The following CLSTN2 variants were observed in gnomAD, a reference collection of about 807,000 sequenced individuals.
CLSTN2 encodes calsyntenin-2.
A neutral mutation model predicts 101.2 loss-of-function variants in CLSTN2; 48 were observed. That is an observed-to-expected ratio of 0.47 (90% CI 0.38 to 0.60). The LOEUF (loss-of-function observed/expected upper bound fraction) is 0.60. Among genes scored for constraint, CLSTN2 ranks in the 20% least tolerant of loss-of-function variants. CLSTN2 has a pLI of 0.00. For synonymous variants in CLSTN2, 481 were observed against 463.6 expected (o/e 1.04, Z -0.48); for missense variants, 1,160 against 1,238.2 (o/e 0.94, Z 0.95).
chr3:140,445,373 A>G (rs892435177), intron 5 of CLSTN2, among the ~76,000 whole-genome samples: 4 of 152,208 alleles, frequency 2.6e-5, no homozygotes, highest in Non-Finnish European at 4.4e-5. Context: ...TCTGCTGAAT[A>G]AAGGGAATCA....
intron 2 of CLSTN2, among the ~76,000 whole-genome samples, chr3:140,312,849 T>G (rs2087184210): frequency 2.6e-5 from 4 of 152,218 alleles, no homozygotes; most frequent in Admixed American, 6.5e-5. Flanking sequence ...TTTTGAAAAT[T>G]GAGAGCAAAA....
intron 8 of CLSTN2, among the ~76,000 whole-genome samples, chr3:140,473,987 G>T (rs527661026): frequency 8.8e-4 from 134 of 152,136 alleles, no homozygotes; most frequent in African/African-American, 3.2e-3. Context: ...TGTTGGCCAG[G>T]ATGGTCTCGA....
intron 1 of CLSTN2, among the ~76,000 whole-genome samples, chr3:140,175,423 A>G (rs2010308188): frequency 1.3e-5 from 2 of 152,162 alleles, no homozygotes; most frequent in South Asian, 4.1e-4. Context: ...AATGATATTT[A>G]TACATATGTG....
chr3:140,388,368 A>T (rs1383644675), intron 2 of CLSTN2, among the ~76,000 whole-genome samples: 3 of 152,270 alleles, frequency 2.0e-5, no homozygotes, highest in Admixed American at 1.3e-4. Context: ...ATCACACAGC[A>T]ACTCTCTAGC....
At chr3:139,953,177 A>G (rs745768186) in intron 1 of CLSTN2, among the ~76,000 whole-genome samples, 5 of 152,120 alleles carry the variant, frequency 3.3e-5, no homozygotes, top group African/African-American at 4.8e-5. Context: ...ATCAGGCTCA[A>G]TAAGGTACAG....
At position 140,472,941 on chromosome 3, in the gene CLSTN2, C is replaced by T. The variant is rs12638757; in HGVS notation, c.1344+6210C>T. ...TCTAGTCCCTCTCCCTGACTGTTTC[C>T]ATTTCAAAGAGAGCCTCAAGACATT... is the stretch of plus-strand genomic sequence containing the variant. On this transcript the variant is annotated intron_variant, in intron 8 of 16. Coordinates refer to ENST00000458420, the MANE Select transcript of CLSTN2 (RefSeq NM_022131.3). 2.6e-3 allele frequency among the ~76,000 whole-genome samples: 399 copies of T among 152,266 alleles called. 13 individuals carry two copies. The East Asian group carries it at 0.073, about 28-fold the overall frequency.
intron 2 of CLSTN2, among the ~76,000 whole-genome samples, chr3:140,271,089 T>C (rs1309867902): frequency 1.3e-5 from 2 of 152,186 alleles, no homozygotes; most frequent in Non-Finnish European, 2.9e-5. Flanking sequence ...ATAATCACTT[T>C]GCACTGGCTC....
At chr3:140,551,333 G>A (rs1935694937) in intron 10 of CLSTN2, among the ~76,000 whole-genome samples, 1 of 152,020 alleles carries the variant, frequency 6.6e-6, no homozygotes, top group South Asian at 2.1e-4. Flanking sequence ...TGCTTTACCT[G>A]TCTTCTTCTG....
chr3:139,985,700 C>G lies in CLSTN2; in HGVS notation c.109+50217C>G, dbSNP rs74952189. ...AGACTTAGGCACAAAGCTGGGGAAA[C>G]GAAAGCAATTGAATCTTGGTTGCTC... On this transcript the variant is annotated intron_variant, in intron 1 of 16. Transcript: ENST00000458420. Among the ~76,000 whole-genome samples the G allele has an allele frequency of 1.9e-3, 296 of 152,234 alleles. 1 individual carries two copies. The highest frequency in any genetic ancestry group is 3.3e-3 in the Non-Finnish European group (224 of 68,014).
chr3:139,976,300 G>A (rs1363728739), intron 1 of CLSTN2, among the ~76,000 whole-genome samples: 1 of 152,190 alleles, frequency 6.6e-6, no homozygotes, highest in East Asian at 1.9e-4. Flanking sequence ...GGCCTTCCAG[G>A]ATGGGCAGAG....
intron 1 of CLSTN2, among the ~76,000 whole-genome samples, chr3:140,114,958 T>C (rs1291668966): frequency 1.3e-5 from 2 of 152,208 alleles, no homozygotes; most frequent in African/African-American, 4.8e-5. Context: ...TCTGCCTTGA[T>C]GTGACTGACA....
chr3:140,380,301 G>C (rs1353492960), intron 2 of CLSTN2, among the ~76,000 whole-genome samples: 1 of 152,180 alleles, frequency 6.6e-6, no homozygotes, highest in African/African-American at 2.4e-5. Context: ...GGGAGGCAGG[G>C]CTTCTACTAT....
At chr3:140,008,739 A>T (rs1017666438) in intron 1 of CLSTN2, among the ~76,000 whole-genome samples, 14 of 152,214 alleles carry the variant, frequency 9.2e-5, no homozygotes, top group African/African-American at 3.1e-4. Flanking sequence ...AGGCCATCAA[A>T]GAGTCAGTTA....
chr3:140,433,342 G>T (rs1288408914), intron 5 of CLSTN2, among the ~76,000 whole-genome samples: 1 of 152,158 alleles, frequency 6.6e-6, no homozygotes, highest in Admixed American at 6.5e-5. Flanking sequence ...TGACCTCTCA[G>T]GCACCATAAG....
intron 1 of CLSTN2, among the ~76,000 whole-genome samples, chr3:140,085,239 C>T (rs1211995282): frequency 6.6e-6 from 1 of 152,178 alleles, no homozygotes; most frequent in Non-Finnish European, 1.5e-5. Flanking sequence ...TGTTGCATTG[C>T]TGCACTGAAA....
intron 1 of CLSTN2, among the ~76,000 whole-genome samples, chr3:140,121,673 C>T (rs2009343433): frequency 6.6e-6 from 1 of 152,216 alleles, no homozygotes; most frequent in African/African-American, 2.4e-5. Flanking sequence ...CCCCTTCTCA[C>T]TCCACCTGAC....
At chr3:140,457,372 A>G (rs573081113) in intron 6 of CLSTN2, among the ~76,000 whole-genome samples, 100 of 152,318 alleles carry the variant, frequency 6.6e-4, no homozygotes, top group Non-Finnish European at 1.0e-3. Context: ...ATCAGACCCA[A>G]CTTAATAGGT....
intron 8 of CLSTN2, among the ~76,000 whole-genome samples, chr3:140,520,677 T>C (rs1328942739): frequency 2.6e-5 from 4 of 152,160 alleles, no homozygotes; most frequent in Non-Finnish European, 4.4e-5. Context: ...ACCCTGGGGT[T>C]CTCTGCAGTT....
intron 2 of CLSTN2, among the ~76,000 whole-genome samples, chr3:140,288,176 T>C (rs2086914859): frequency 6.6e-6 from 1 of 151,976 alleles, no homozygotes. Flanking sequence ...TCCACATGTA[T>C]ACCTATTGTT....
Sources: gnomAD v4.1 joint callset for allele counts (sites outside exome capture counted in the v4.1 genomes callset) on GRCh38, gnomAD v4.1.1 for gene constraint, MANE v1.5 for transcripts, NCBI Gene and HGNC (gene_info 2026-07-23, HGNC 2026-07-21) for gene names.